The following ORC5 variants were observed in gnomAD, a reference collection of about 807,000 sequenced individuals.
ORC5 encodes the protein origin recognition complex subunit 5.
In ORC5, 39 loss-of-function variants were observed where a neutral mutation model predicts 58.8. The observed-to-expected ratio is 0.66, with a 90% CI of 0.51 to 0.87. ORC5 has a LOEUF of 0.87. Among genes scored for constraint, ORC5 ranks in the 40% least tolerant of loss-of-function variants. The probability of loss-of-function intolerance (pLI) is 0.00; values close to 1 mark genes in which losing one functional copy is unlikely to be tolerated. For synonymous variants in ORC5, 218 were observed against 177.6 expected (o/e 1.23, Z -1.81); for missense variants, 493 against 506.3 (o/e 0.97, Z 0.25).
At chr7:104,198,210 T>G (rs1187087149) in intron 3 of ORC5, among the ~76,000 whole-genome samples, 1 of 152,168 alleles carries the variant, frequency 6.6e-6, no homozygotes, top group Non-Finnish European at 1.5e-5. Flanking sequence ...CAGTCCTTGG[T>G]AGTCTGTTAT....
At chr7:104,200,196 A>AT (rs1799905191) in intron 3 of ORC5, among the ~76,000 whole-genome samples, 1 of 152,190 alleles carries the variant, frequency 6.6e-6, no homozygotes, top group Non-Finnish European at 1.5e-5. Context: ...GTAACCAGGC[A>AT]TATTTGTTGC....
chr7:104,207,725 C>T lies in ORC5; in HGVS notation c.72+108G>A, dbSNP rs1000958100. 28 of 956,912 alleles carry T rather than the reference C, an allele frequency of 2.9e-5. No individual in the cohort carries two copies. The East Asian group carries it at 6.7e-4, about 23-fold the overall frequency. The allele number at this position is 956,912 out of a possible 1,614,324, so 59.3% of individuals were successfully genotyped here. ...ACAACACCCCTATTTAACGTAAAAA[C>T]GGCCTTTTGGCCCTCAATCCAAACA... On this transcript the variant is annotated intron_variant, in intron 1 of 13. Coordinates refer to ENST00000297431, the MANE Select transcript of ORC5 (RefSeq NM_002553.4).
chr7:104,141,198 A>G (rs531699762), intron 12 of ORC5, among the ~76,000 whole-genome samples: 2 of 152,342 alleles, frequency 1.3e-5, no homozygotes, highest in East Asian at 3.9e-4. Context: ...GGAGCATTCA[A>G]CAGAATAAAC....
intron 3 of ORC5, among the ~76,000 whole-genome samples, chr7:104,199,377 G>C (rs991479000): frequency 2.0e-5 from 3 of 152,226 alleles, no homozygotes; most frequent in African/African-American, 4.8e-5. Flanking sequence ...GCCCACTCTT[G>C]CATCAGTGGG....
At chr7:104,140,162 AT>A (rs1798650074) in intron 12 of ORC5, among the ~76,000 whole-genome samples, 1 of 151,992 alleles carries the variant, frequency 6.6e-6, no homozygotes, top group South Asian at 2.1e-4. Flanking sequence ...TGTTTTCTCA[AT>A]TTAAAACAGT....
intron 13 of ORC5, among the ~76,000 whole-genome samples, chr7:104,127,253 AATC>A (rs1798443721): frequency 6.6e-6 from 1 of 152,192 alleles, no homozygotes; most frequent in Non-Finnish European, 1.5e-5. Flanking sequence ...AAAGTATTTA[AATC>A]TTCTTTGCTT....
At chr7:104,145,925 A>C (rs769534474) in intron 12 of ORC5, among the ~76,000 whole-genome samples, 5 of 152,220 alleles carry the variant, frequency 3.3e-5, no homozygotes. Context: ...TGGCAATTCT[A>C]TATCTAGCAA....
chr7:104,204,020 A>G, intron 2 of ORC5, 122 bp downstream of exon 2: 1 of 520,256 alleles, frequency 1.9e-6, no homozygotes, highest in Non-Finnish European at 3.5e-6. Flanking sequence ...GAAAGATAAT[A>G]TGGGAAGGAG....
At chr7:104,170,249 A>C (rs1308278365) in intron 8 of ORC5, among the ~76,000 whole-genome samples, 1 of 152,178 alleles carries the variant, frequency 6.6e-6, no homozygotes, top group Non-Finnish European at 1.5e-5. Flanking sequence ...CTTTCCAAGA[A>C]GTCTCTGTAG....
At chr7:104,153,897 A>C (rs1798883283) in intron 12 of ORC5, among the ~76,000 whole-genome samples, 1 of 152,180 alleles carries the variant, frequency 6.6e-6, no homozygotes, top group African/African-American at 2.4e-5. Flanking sequence ...TTATCTGACT[A>C]GCGTTTAATG....
At chr7:104,142,268 C>T (rs944425392) in intron 12 of ORC5, among the ~76,000 whole-genome samples, 17 of 152,142 alleles carry the variant, frequency 1.1e-4, no homozygotes, top group African/African-American at 4.1e-4. Flanking sequence ...AAATGTAAGA[C>T]ATGAAACAAT....
intron 12 of ORC5, among the ~76,000 whole-genome samples, chr7:104,149,588 C>A (rs572489675): frequency 3.9e-5 from 6 of 152,126 alleles, no homozygotes; most frequent in Admixed American, 1.3e-4. Context: ...GGTTTTACTA[C>A]TAAATTTTTA....
At chr7:104,180,979 A>T (rs541064170) in intron 8 of ORC5, among the ~76,000 whole-genome samples, 1 of 152,348 alleles carries the variant, frequency 6.6e-6, no homozygotes, top group South Asian at 2.1e-4. Context: ...AATCAGATTC[A>T]TAAAATAAGA....
chr7:104,172,615 T>C (rs1799234435), intron 8 of ORC5, among the ~76,000 whole-genome samples: 1 of 152,192 alleles, frequency 6.6e-6, no homozygotes, highest in East Asian at 1.9e-4. Flanking sequence ...CCTATATTGA[T>C]TTGTAATCTA....
intron 12 of ORC5, among the ~76,000 whole-genome samples, chr7:104,160,655 G>A (rs1000486624): frequency 2.6e-5 from 4 of 151,840 alleles, no homozygotes; most frequent in Admixed American, 6.6e-5. Context: ...TTTAATAAAA[G>A]CACATCTATC....
intron 5 of ORC5, among the ~76,000 whole-genome samples, chr7:104,188,763 A>G (rs546048552): frequency 4.6e-4 from 70 of 152,224 alleles, no homozygotes; most frequent in African/African-American, 1.6e-3. Flanking sequence ...TGAAATTTTC[A>G]GTGGAGGAGG....
At chr7:104,162,417 C>T (rs1799040001) in intron 11 of ORC5, among the ~76,000 whole-genome samples, 1 of 152,184 alleles carries the variant, frequency 6.6e-6, no homozygotes, top group African/African-American at 2.4e-5. Context: ...CCACCTTGGC[C>T]TCCCAAAGTG....
intron 13 of ORC5, among the ~76,000 whole-genome samples, chr7:104,128,453 G>A (rs891122119): frequency 6.6e-6 from 1 of 152,052 alleles, no homozygotes; most frequent in African/African-American, 2.4e-5. Flanking sequence ...TCGTGATACT[G>A]ATTGAAAAGA....
chr7:104,132,159 C>T (rs572881580), intron 13 of ORC5, among the ~76,000 whole-genome samples: 3 of 152,232 alleles, frequency 2.0e-5, no homozygotes, highest in African/African-American at 7.2e-5. Flanking sequence ...CTACAAATGA[C>T]TGCTTTATCA....
Sources: gnomAD v4.1 joint callset for allele counts (sites outside exome capture counted in the v4.1 genomes callset) on GRCh38, gnomAD v4.1.1 for gene constraint, MANE v1.5 for transcripts, NCBI Gene and HGNC (gene_info 2026-07-23, HGNC 2026-07-21) for gene names.